PPARGC1B: variants seen among roughly 807,000 people sequenced by gnomAD.
The protein encoded by PPARGC1B is peroxisome proliferator-activated receptor gamma coactivator 1-beta.
Under a neutral mutation model 101.6 loss-of-function variants are expected in PPARGC1B, and 34 were observed. The observed-to-expected ratio is 0.33, with a 90% CI of 0.25 to 0.45. PPARGC1B has a LOEUF of 0.45. Among genes scored for constraint, PPARGC1B ranks in the 20% least tolerant of loss-of-function variants. The pLI, the probability that PPARGC1B is intolerant of heterozygous loss-of-function variation, is 1.00. For missense variants in PPARGC1B, 1,234 were observed against 1,317.6 expected (o/e 0.94, Z 0.98); for synonymous variants, 548 against 539.3 (o/e 1.02, Z -0.22).
chr5:149,840,194 C>G lies in PPARGC1B; in HGVS notation c.2694+78C>G, dbSNP rs896105442. The G allele has an allele frequency of 1.4e-5, 19 of 1,388,494 alleles. No homozygotes were observed. In the Admixed American group the frequency reaches 4.1e-4, roughly 30 times the overall value. The allele number at this position is 1,388,494 out of a possible 1,614,324, so 86.0% of individuals were successfully genotyped here. A position where few individuals can be genotyped will look rare whatever the true frequency, so the allele number is the denominator to read the frequency against. ...GTGTGGGGGCTTCATGGACCAAAGCCTTTTGAGGCTGGCTGGTGAGCCCCT... is the reference window on the plus strand; with the variant it reads ...GTGTGGGGGCTTCATGGACCAAAGCGTTTTGAGGCTGGCTGGTGAGCCCCT... On this transcript the variant is annotated intron_variant, in intron 9 of 11. Transcript: ENST00000309241.
At chr5:149,841,396 T>C (rs1309989787) in intron 9 of PPARGC1B, among the ~76,000 whole-genome samples, 3 of 152,170 alleles carry the variant, frequency 2.0e-5, no homozygotes, top group Non-Finnish European at 4.4e-5. Context: ...TTGTGGGATG[T>C]ACAGTTCCCC....
intron 3 of PPARGC1B, among the ~76,000 whole-genome samples, chr5:149,828,261 G>A (rs1224381644): frequency 6.6e-6 from 1 of 152,194 alleles, no homozygotes; most frequent in Non-Finnish European, 1.5e-5. Flanking sequence ...CCGAGAGGGG[G>A]TCCTGCTTCA....
chr5:149,802,046 C>A (rs555506200), intron 1 of PPARGC1B, among the ~76,000 whole-genome samples: 2 of 152,166 alleles, frequency 1.3e-5, no homozygotes, highest in South Asian at 2.1e-4. Context: ...AGCTCAGCAC[C>A]GCCCCGTCCC....
In PPARGC1B at chr5:149,730,471, G is replaced by C; in HGVS notation, c.78+51G>C. 1 of 1,410,476 alleles carries C rather than the reference G, an allele frequency of 7.1e-7. No individual in the cohort carries two copies. Among genetic ancestry groups the C allele is most frequent in the Non-Finnish European group, 9.5e-7 (1 of 1,054,724 alleles). The allele number at this position is 1,410,476 out of a possible 1,614,324, so 87.4% of individuals were successfully genotyped here. On this transcript the variant is annotated intron_variant, in intron 1 of 11. Coordinates refer to ENST00000309241, the MANE Select transcript of PPARGC1B (RefSeq NM_133263.4). This position sits in a 1 kb window ranked among gnomAD's most constrained non-coding sequence, Gnocchi z 4.0. ...CGGGGCCAGGGGTGCTGAGCTGCGG[G>C]GGCCGCAGCTGCAGCCGCGGAGGCC...
chr5:149,823,622 G>A (rs557225441), intron 2 of PPARGC1B, among the ~76,000 whole-genome samples: 4 of 152,018 alleles, frequency 2.6e-5, no homozygotes, highest in African/African-American at 9.7e-5. Context: ...AGGGAGAGCC[G>A]AGCTAATGGG....
At position 149,730,552 on chromosome 5, in the gene PPARGC1B, C is replaced by T. The variant is rs373801505; in HGVS notation, c.78+132C>T. 18 of 634,288 alleles carry T rather than the reference C, an allele frequency of 2.8e-5. No homozygotes were observed. The African/African-American group carries it at 3.3e-4, about 12-fold the overall frequency. 39.3% of individuals were successfully genotyped at this position (634,288 alleles called of 1,614,324 possible). On this transcript the variant is annotated intron_variant, in intron 1 of 11. Coordinates refer to ENST00000309241, the MANE Select transcript of PPARGC1B (RefSeq NM_133263.4). The surrounding 1 kb of genome is among the most constrained non-coding windows in gnomAD (Gnocchi z 4.0). ...TGGGGGTTCCAGGCTGCAGAGCCCC[C>T]CTTCCAGGCGCCCTGCGATGCGCTC...
At chr5:149,743,106 A>G (rs1056600175) in intron 1 of PPARGC1B, among the ~76,000 whole-genome samples, 1 of 151,374 alleles carries the variant, frequency 6.6e-6, no homozygotes, top group Non-Finnish European at 1.5e-5. Flanking sequence ...GCCTGGTTAA[A>G]TGTAAACTGT....
At chr5:149,783,647 CTG>C in intron 1 of PPARGC1B, among the ~76,000 whole-genome samples, 1 of 152,326 alleles carries the variant, frequency 6.6e-6, no homozygotes, top group Middle Eastern at 3.4e-3. Context: ...CAGCTCTCTG[CTG>C]TCTCACCACC....
At chr5:149,768,161 T>C (rs1755988105) in intron 1 of PPARGC1B, among the ~76,000 whole-genome samples, 1 of 152,198 alleles carries the variant, frequency 6.6e-6, no homozygotes, top group Non-Finnish European at 1.5e-5. Context: ...CAGTGCTTTG[T>C]GGCAGTCTCC....
chr5:149,824,621 C>A (rs1758432269), intron 2 of PPARGC1B, among the ~76,000 whole-genome samples: 2 of 152,156 alleles, frequency 1.3e-5, no homozygotes, highest in Admixed American at 6.5e-5. Flanking sequence ...GTCGCTGAGG[C>A]CCAAGTTCCA....
intron 1 of PPARGC1B, among the ~76,000 whole-genome samples, chr5:149,772,748 G>A (rs893053145): frequency 6.6e-6 from 1 of 152,272 alleles, no homozygotes; most frequent in South Asian, 2.1e-4. Context: ...ACATTTTGAG[G>A]TAGTGGGTTT....
At chr5:149,768,367 C>T (rs1484989204) in intron 1 of PPARGC1B, among the ~76,000 whole-genome samples, 1 of 152,020 alleles carries the variant, frequency 6.6e-6, no homozygotes, top group Admixed American at 6.6e-5. Context: ...CTCCACCTCC[C>T]AGGCTCAAGC....
rs189865860 is a variant in PPARGC1B, at chr5:149,759,983, C to T, written c.78+29563C>T. The stretch of plus-strand genomic sequence containing the variant: ...TGTGAGTTGGAACACCCATTATGTG[C>T]AAGGAGCTCCAGCGCTCCCACAGGG... On this transcript the variant is annotated intron_variant, in intron 1 of 11. Transcript: ENST00000309241. Among the ~76,000 whole-genome samples the T allele has an allele frequency of 8.4e-4, 128 of 152,340 alleles. 3 individuals carry two copies. In the East Asian group the frequency reaches 0.021, roughly 25 times the overall value.
chr5:149,730,406 C>T lies in PPARGC1B; in HGVS notation c.64C>T (p.Leu22Phe), dbSNP rs772855379. ...EELSSFFLNY[L>F]ADTQGGGSGE... ...GCTCTCCTCCTTCTTCCTCAACTAT[C>T]TCGCTGACACGCAGGTACGGCCGGC... is the stretch of plus-strand genomic sequence containing the variant. The change falls in exon 1 of 12, where the codon CTC becomes TTC. Residue 22 changes from leucine (L) to phenylalanine (F), a missense_variant. Leu to Phe is a conservative substitution (Grantham distance 22). Around this residue, in one of 3 missense-constraint regions of PPARGC1B, gnomAD observed 734 missense variants for 768.4 expected, o/e 0.96. Transcript: ENST00000309241. The surrounding 1 kb of genome is among the most constrained non-coding windows in gnomAD (Gnocchi z 4.0). 6.4e-7 allele frequency: 1 copy of T among 1,563,612 alleles called. No individual in the cohort carries two copies. Among genetic ancestry groups the T allele is most frequent in the Non-Finnish European group, 8.6e-7 (1 of 1,157,238 alleles).
At chr5:149,734,000 C>A (rs1438035169) in intron 1 of PPARGC1B, among the ~76,000 whole-genome samples, 1 of 152,078 alleles carries the variant, frequency 6.6e-6, no homozygotes, top group East Asian at 1.9e-4. Flanking sequence ...TGTTTATTTC[C>A]TGTTCATATA....
intron 1 of PPARGC1B, among the ~76,000 whole-genome samples, chr5:149,785,346 G>A (rs1237614774): frequency 6.6e-6 from 1 of 152,192 alleles, no homozygotes; most frequent in East Asian, 1.9e-4. Context: ...TTGGCCGGGT[G>A]ATCTTGGGCC....
At position 149,730,975 on chromosome 5, in the gene PPARGC1B, T is replaced by C. The variant is rs1345475117; in HGVS notation, c.78+555T>C. Among the ~76,000 whole-genome samples the C allele has an allele frequency of 6.6e-6, 1 of 152,126 alleles. No homozygotes were observed. The highest frequency in any genetic ancestry group is 2.4e-5 in the African/African-American group (1 of 41,424). On this transcript the variant is annotated intron_variant, in intron 1 of 11. Coordinates refer to ENST00000309241, the MANE Select transcript of PPARGC1B (RefSeq NM_133263.4). This position sits in a 1 kb window ranked among gnomAD's most constrained non-coding sequence, Gnocchi z 4.0. ...CAGTTGCCGGCTAAAGGCATAAGGG[T>C]CTGCGGGGCACGTGGACATGCGGGC... is the stretch of plus-strand genomic sequence containing the variant.
chr5:149,847,380 C>A, intron 11 of PPARGC1B, 78 bp from the exon 12 acceptor site: 2 of 1,078,876 alleles, frequency 1.9e-6, no homozygotes, highest in Non-Finnish European at 2.9e-6. Context: ...CTCATAGTGG[C>A]AGATTCTTCA....
At chr5:149,777,822 C>G (rs57803785) in intron 1 of PPARGC1B, among the ~76,000 whole-genome samples, 6 of 109,090 alleles carry the variant, frequency 5.5e-5, no homozygotes, top group African/African-American at 6.4e-5. Flanking sequence ...CACACACACA[C>G]ACACAGTATC....
Sources: gnomAD v4.1 joint callset for allele counts (sites outside exome capture counted in the v4.1 genomes callset) on GRCh38, gnomAD v4.1.1 for gene constraint, gnomAD v4.1.1 regional missense constraint, Gnocchi (gnomAD v3.1) non-coding constraint, MANE v1.5 for transcripts, NCBI Gene and HGNC (gene_info 2026-07-23, HGNC 2026-07-21) for gene names.